The following ELL3 variants were observed in gnomAD, a reference collection of about 807,000 sequenced individuals.
ELL3 encodes the protein elongation factor for RNA polymerase II 3, also known as RNA polymerase II elongation factor ELL3.
ELL3 carries 48 observed loss-of-function variants against 58.5 expected under a neutral mutation model. The ratio of observed to expected loss-of-function variants is 0.82; its 90% CI spans 0.65 to 1.04. The LOEUF is 1.04. Ranked by LOEUF, ELL3 falls within the 50% of genes least tolerant of loss-of-function variation. The pLI is 0.00. For missense variants in ELL3, 458 were observed against 478.4 expected (o/e 0.96, Z 0.40); for synonymous variants, 174 against 173.2 (o/e 1.00, Z -0.04).
Position 43,775,804 on chromosome 15 carries a change from G to C in ELL3, c.401C>G (p.Ala134Gly), listed in dbSNP as rs199935246. The C allele has an allele frequency of 1.2e-6, 2 of 1,614,190 alleles. No homozygotes were observed. Among genetic ancestry groups the C allele is most frequent in the East Asian group, 4.5e-5 (2 of 44,894 alleles). ...GTTCTGCCAACTCTCAGGATGTCTG[G>C]CATCTTCAGTCAGGTTGTGTCCCTG... is the stretch of plus-strand genomic sequence containing the variant. ...SVQGHNLTED[A>G]RHPESWQNTG... Residue 134 changes from alanine (A) to glycine (G), a missense_variant, in exon 4 of 11, where the codon GCC becomes GGC. By Grantham distance (60) the Ala-to-Gly change is moderately conservative. Coordinates refer to ENST00000319359, the MANE Select transcript of ELL3 (RefSeq NM_025165.3).
In ELL3 at chr15:43,774,730, C is replaced by G; in HGVS notation, c.689G>C (p.Arg230Thr). ...PVATVELEEK[R>T]FRTLPLVPSP... ...TGGCACTAAAGGCAGAGTTCTGAAC[C>G]TCTTTTCTTCCAGTTCTACAGTGGC... The change falls in exon 7 of 11, where the codon AGG becomes ACG. Residue 230 changes from arginine (R) to threonine (T), a missense_variant. Physicochemically the swap from Arg to Thr is moderately conservative, Grantham distance 71. Transcript: ENST00000319359. 1 of 1,613,566 alleles carries G rather than the reference C, an allele frequency of 6.2e-7. No individual in the cohort carries two copies. Among genetic ancestry groups the G allele is most frequent in the Non-Finnish European group, 8.5e-7 (1 of 1,179,830 alleles).
At chr15:43,776,405 C>T in intron 2 of ELL3, 104 bp downstream of exon 2, 1 of 1,514,750 alleles carries the variant, frequency 6.6e-7, no homozygotes, top group Admixed American at 2.0e-5. Flanking sequence ...TACCTCAGAC[C>T]GTGACTACTC....
At position 43,773,355 on chromosome 15, in the gene ELL3, C is replaced by G. The variant is rs370597682; in HGVS notation, c.1039-7G>C. On this transcript the variant is annotated splice_region_variant and splice_polypyrimidine_tract_variant and intron_variant, in intron 9 of 10. Coordinates refer to ENST00000319359, the MANE Select transcript of ELL3 (RefSeq NM_025165.3). ...TTATCTTGTCTTCCAGGACCTGAAA[C>G]AGAAATTACTAGCACTGAGTTCAAC... is the stretch of plus-strand genomic sequence containing the variant. 6.2e-7 allele frequency: 1 copy of G among 1,614,052 alleles called. No homozygotes were observed. Among genetic ancestry groups the G allele is most frequent in the African/African-American group, 1.3e-5 (1 of 75,008 alleles).
In ELL3 at chr15:43,773,299, C is replaced by T. The variant is rs2086892362; in HGVS notation, c.1083+5G>A. 2 of 1,614,072 alleles carry T rather than the reference C, an allele frequency of 1.2e-6. No individual in the cohort carries two copies. The highest frequency in any genetic ancestry group is 2.2e-5 in the East Asian group (1 of 44,898). On this transcript the variant is annotated splice_donor_5th_base_variant and intron_variant, in intron 10 of 10. Coordinates refer to ENST00000319359, the MANE Select transcript of ELL3 (RefSeq NM_025165.3). ...CCTTGCTTCCGTTCCCAGACCTTGTCTTACCTTCCTGAACTTTTTATATTC... is the reference window on the plus strand; with the variant it reads ...CCTTGCTTCCGTTCCCAGACCTTGTTTTACCTTCCTGAACTTTTTATATTC...
Position 43,776,537 on chromosome 15 carries a change from G to T in ELL3, c.140C>A (p.Pro47Gln). 1.3e-6 allele frequency: 2 copies of T among 1,568,156 alleles called. No individual in the cohort carries two copies. The highest frequency in any genetic ancestry group is 1.7e-6 in the Non-Finnish European group (2 of 1,154,936). ...LQECQRQQVR[P>Q]VIAFQGHRGY... ...TCGGTGGCCTTGGAAAGCAATCACCGGCCGTACCTGCGGGGAGAGCGAAGA... is the reference window on the plus strand; with the variant it reads ...TCGGTGGCCTTGGAAAGCAATCACCTGCCGTACCTGCGGGGAGAGCGAAGA... Residue 47 changes from proline (P) to glutamine (Q), a missense_variant, in exon 2 of 11, where the codon CCG (proline) becomes CAG (glutamine). Coordinates refer to ENST00000319359, the MANE Select transcript of ELL3 (RefSeq NM_025165.3).
intron 7 of ELL3, 24 bp downstream of exon 7, chr15:43,774,572 T>G: frequency 6.2e-7 from 1 of 1,613,928 alleles, no homozygotes; most frequent in Non-Finnish European, 8.5e-7. Flanking sequence ...CACTGGCATT[T>G]TTACCCTCCT....
chr15:43,774,739 TC>T lies in ELL3; in HGVS notation c.679del (p.Glu227LysfsTer10). On this transcript the variant is annotated frameshift_variant, in exon 7 of 11. Transcript: ENST00000319359. LOFTEE classifies it high-confidence loss of function. ...AGGCAGAGTTCTGAACCTCTTTTCT[TC>T]CAGTTCTACAGTGGCTACAGGCACT... Reference protein sequence around the residue: ...RSVPVATVELEEKRFRTLPLV... With the variant: ...RSVPVATVELXEKRFRTLPLV... The T allele has an allele frequency of 6.2e-7, 1 of 1,613,496 alleles. No homozygotes were observed. Among genetic ancestry groups the T allele is most frequent in the Non-Finnish European group, 8.5e-7 (1 of 1,179,796 alleles).
At chr15:43,774,836 C>T (rs2086903017) in intron 6 of ELL3, 63 bp from the exon 7 acceptor site, 2 of 1,489,812 alleles carry the variant, frequency 1.3e-6, no homozygotes, top group African/African-American at 2.8e-5. Context: ...GTTCTTCTCT[C>T]AAGAATTTCT....
rs1567161515 is a variant in ELL3 at position 43,774,697 on chromosome 15, A to AG, written c.721dup (p.Leu241ProfsTer20). ...TAAATCCTGATTGGTCAGGCCTTGT[A>AG]GGGGGCTTGGCACTAAAGGCAGAGT... is the stretch of plus-strand genomic sequence containing the variant. On this transcript the variant is annotated frameshift_variant, in exon 7 of 11. Coordinates refer to ENST00000319359, the MANE Select transcript of ELL3 (RefSeq NM_025165.3). LOFTEE classifies it high-confidence loss of function. The AG allele has an allele frequency of 1.9e-6, 3 of 1,614,082 alleles. No homozygotes were observed. Among genetic ancestry groups the AG allele is most frequent in the Non-Finnish European group, 2.5e-6 (3 of 1,180,020 alleles).
rs868175497 is a variant in ELL3, at chr15:43,776,777, C to A, written c.125G>T (p.Arg42Leu). Residue 42 changes from arginine (R) to leucine (L), a missense_variant, in exon 1 of 11, where the codon CGG (arginine) becomes CTG (leucine). Arg to Leu is a moderately radical substitution (Grantham distance 102, BLOSUM62 -2). Transcript: ENST00000319359. The part of the protein sequence containing the change: ...AALRALQECQ[R>L]QQVRPVIAFQ... ...GAAGGGGGCCGGCCGTACCTGTTGC[C>A]GCTGACACTCTTGCAGCGCCCGCAG... 6.2e-7 allele frequency: 1 copy of A among 1,604,888 alleles called. No individual in the cohort carries two copies. Among genetic ancestry groups the A allele is most frequent in the Non-Finnish European group, 8.5e-7 (1 of 1,174,034 alleles).
At position 43,775,901 on chromosome 15, in the gene ELL3, A is replaced by G; in HGVS notation, c.304T>C (p.Cys102Arg). The change falls in exon 4 of 11, where the codon TGC becomes CGC. Residue 102 changes from cysteine to arginine, a missense_variant. Coordinates refer to ENST00000319359, the MANE Select transcript of ELL3 (RefSeq NM_025165.3). Reference protein sequence around the residue: ...FLRSGPNSLHCLGSLRERLII... With the variant: ...FLRSGPNSLHRLGSLRERLII... Reference sequence around the variant, plus strand: ...AGGCGCTCCCTGAGTGAGCCCAGGCAGTGGAGGCTGTTAGGCCCAGACCTG... The same window carrying G: ...AGGCGCTCCCTGAGTGAGCCCAGGCGGTGGAGGCTGTTAGGCCCAGACCTG... 6.2e-7 allele frequency: 1 copy of G among 1,614,220 alleles called. No individual in the cohort carries two copies. The highest frequency in any genetic ancestry group is 8.5e-7 in the Non-Finnish European group (1 of 1,180,038).
At position 43,776,537 on chromosome 15, in the gene ELL3, G is replaced by C. The variant is rs779248901; in HGVS notation, c.140C>G (p.Pro47Arg). 4.3e-5 allele frequency: 68 copies of C among 1,568,038 alleles called. No individual in the cohort carries two copies. Among genetic ancestry groups the C allele is most frequent in the Non-Finnish European group, 5.4e-5 (62 of 1,154,944 alleles). ...TCGGTGGCCTTGGAAAGCAATCACC[G>C]GCCGTACCTGCGGGGAGAGCGAAGA... ...LQECQRQQVR[P>R]VIAFQGHRGY... The change falls in exon 2 of 11, where the codon CCG (proline) becomes CGG (arginine). Residue 47 changes from proline (P) to arginine (R), a missense_variant. Physicochemically the swap from Pro to Arg is moderately radical, Grantham distance 103. Coordinates refer to ENST00000319359, the MANE Select transcript of ELL3 (RefSeq NM_025165.3).
chr15:43,776,000 C>G (rs201500212), intron 3 of ELL3, 39 bp downstream of exon 3: 1 of 1,612,774 alleles, frequency 6.2e-7, no homozygotes, highest in African/African-American at 1.3e-5. Context: ...CCCCCACTTT[C>G]CACAAACCCT....
chr15:43,775,550 CCCTTGAGGATCCTGGGAGTGACTGT>C lies in ELL3; in HGVS notation c.519_543del (p.Gln174SerfsTer8). 1 of 1,614,194 alleles carries C rather than the reference CCCTTGAGGATCCTGGGAGTGACTGT, an allele frequency of 6.2e-7. No homozygotes were observed. The highest frequency in any genetic ancestry group is 1.1e-5 in the South Asian group (1 of 91,078). ...CTCACTTCCCACTGTGCCATGTGCTCCCTTGAGGATCCTGGGAGTGACTGTCCTTGGTTGCTTGCCAGTGGATCTG... is the reference window on the plus strand; with the variant it reads ...CTCACTTCCCACTGTGCCATGTGCTCCCTTGGTTGCTTGCCAGTGGATCTG... On this transcript the variant is annotated frameshift_variant, in exon 5 of 11. Coordinates refer to ENST00000319359, the MANE Select transcript of ELL3 (RefSeq NM_025165.3). LOFTEE classifies it high-confidence loss of function.
chr15:43,774,344 C>T lies in ELL3; in HGVS notation c.876G>A (p.Arg292=), dbSNP rs1413755395. The T allele has an allele frequency of 1.9e-6, 3 of 1,614,094 alleles. No homozygotes were observed. The highest frequency in any genetic ancestry group is 1.7e-6 in the Non-Finnish European group (2 of 1,179,982). Residue 292 remains arginine (R), a synonymous_variant, in exon 9 of 11, where the codon AGG becomes AGA. Transcript: ENST00000319359. ...EDIPDYLLQY[R]AIHSAEQQHA... ...GTTGCTGTTCTGCACTGTGGATGGC[C>T]CTGTATTGCCTGCCAGGAGCAGAGA...
In ELL3 at chr15:43,774,329, T is replaced by A; in HGVS notation, c.891A>T (p.Ala297=). 3 of 1,614,240 alleles carry A rather than the reference T, an allele frequency of 1.9e-6. No homozygotes were observed. The highest frequency in any genetic ancestry group is 1.7e-6 in the Non-Finnish European group (2 of 1,180,038). ...CCTGCTCATAGGCATGTTGCTGTTC[T>A]GCACTGTGGATGGCCCTGTATTGCC... is the stretch of plus-strand genomic sequence containing the variant. ...YLLQYRAIHS[A]EQQHAYEQDF... The change falls in exon 9 of 11, where the codon GCA becomes GCT. Residue 297 remains alanine (A), a synonymous_variant. Transcript: ENST00000319359.
chr15:43,773,241 C>T lies in ELL3; in HGVS notation c.1084-15G>A. 1 of 1,613,654 alleles carries T rather than the reference C, an allele frequency of 6.2e-7. No homozygotes were observed. The highest frequency in any genetic ancestry group is 2.2e-5 in the East Asian group (1 of 44,882). On this transcript the variant is annotated splice_polypyrimidine_tract_variant and intron_variant, in intron 10 of 10. Transcript: ENST00000319359. ...CTTGGGTACTGCTGCAGAGAAAAAGCATCCATGTCAAAAAGTAAAAATTCT... is the reference window on the plus strand; with the variant it reads ...CTTGGGTACTGCTGCAGAGAAAAAGTATCCATGTCAAAAAGTAAAAATTCT...
intron 9 of ELL3, among the ~76,000 whole-genome samples, chr15:43,773,977 G>T (rs566847616): frequency 6.6e-6 from 1 of 152,326 alleles, no homozygotes; most frequent in Non-Finnish European, 1.5e-5. Context: ...ACTCCAGCTT[G>T]AGAGACGGAG....
intron 1 of ELL3, 47 bp downstream of exon 1, chr15:43,776,723 C>A: frequency 1.3e-6 from 2 of 1,577,246 alleles, no homozygotes; most frequent in South Asian, 1.2e-5. Context: ...GGCTGAGGCC[C>A]AAGGTCCCTA....
Sources: allele counts gnomAD v4.1 joint callset (sites outside exome capture counted in the v4.1 genomes callset), GRCh38; gene constraint gnomAD v4.1.1; transcripts MANE v1.5; gene names NCBI Gene and HGNC (gene_info 2026-07-23, HGNC 2026-07-21).